TPTE2: variants seen among roughly 807,000 people sequenced by gnomAD.
TPTE2 encodes the protein phosphatidylinositol 3,4,5-trisphosphate 3-phosphatase TPTE2.
A neutral mutation model predicts 78.6 loss-of-function variants in TPTE2; 53 were observed. That is an observed-to-expected ratio of 0.67 (90% confidence interval 0.54 to 0.85). The LOEUF is 0.85. Among genes scored for constraint, TPTE2 ranks in the 40% least tolerant of loss-of-function variants. TPTE2 has a pLI of 0.00. For missense variants in TPTE2, 461 were observed against 623.0 expected, an observed-to-expected ratio of 0.74 and a Z score of 2.77; for synonymous variants, 175 against 206.2, an observed-to-expected ratio of 0.85 and a Z score of 1.30.
chr13:19,541,321 T>C (rs1871430994), upstream of TPTE2, among the ~76,000 whole-genome samples: 1 of 152,350 alleles, frequency 6.6e-6, no homozygotes, highest in South Asian at 2.1e-4. Context: ...AAGCAGTGAC[T>C]ACCCCCATCA....
rs1046284768 is a variant in TPTE2, at chr13:19,430,778, T to C, written c.1223-231A>G. 2.6e-5 allele frequency among the ~76,000 whole-genome samples: 4 copies of C among 152,144 alleles called. 1 individual carries two copies. Among genetic ancestry groups the C allele is most frequent in the Non-Finnish European group, 2.9e-5 (2 of 68,030 alleles). On this transcript the variant is annotated intron_variant, in intron 16 of 19. Transcript: ENST00000400230. ...ATGAGAGAAGAGAAAAGAATACATA[T>C]AGTTCAGCTTCCAAGACTTAGAATC... is the stretch of plus-strand genomic sequence containing the variant.
chr13:19,560,684 G>A, the TPTE2 span: 2 of 1,513,908 alleles, frequency 1.3e-6, no homozygotes, highest in Non-Finnish European at 9.1e-7. Flanking sequence ...ACCACCATTA[G>A]ATGAGACACC....
chr13:19,522,779 T>C (rs114651840), intron 1 of TPTE2, among the ~76,000 whole-genome samples: 3,858 of 151,682 alleles, frequency 0.025, 130 homozygotes, highest in African/African-American at 0.075. Flanking sequence ...CCCGCCACCA[T>C]GTCAAGCTAA....
At chr13:19,557,804 C>T in the TPTE2 span, among the ~76,000 whole-genome samples, 1 of 151,792 alleles carries the variant, frequency 6.6e-6, no homozygotes, top group Admixed American at 6.6e-5. Flanking sequence ...TGTTTCTCTA[C>T]CTGAGAAATA....
chr13:19,442,929 C>T (rs1420940361), intron 13 of TPTE2, among the ~76,000 whole-genome samples: 1 of 151,996 alleles, frequency 6.6e-6, no homozygotes, highest in Non-Finnish European at 1.5e-5. Context: ...AAACTCTAGG[C>T]CAATGTGCCT....
intron 1 of TPTE2, among the ~76,000 whole-genome samples, chr13:19,508,613 G>A (rs1395492556): frequency 1.3e-5 from 2 of 152,114 alleles, no homozygotes; most frequent in African/African-American, 4.8e-5. Context: ...TGAGAAAATT[G>A]AGGAACTTAC....
chr13:19,426,438 T>C, exon 18 of TPTE2: 1 of 1,604,780 alleles, frequency 6.2e-7, no homozygotes, highest in Non-Finnish European at 8.5e-7. Context: ...AGAGAAAAAC[T>C]GCACTTTCAC....
intron 10 of TPTE2, among the ~76,000 whole-genome samples, chr13:19,460,472 C>T (rs538806262): frequency 2.6e-5 from 4 of 152,304 alleles, no homozygotes; most frequent in South Asian, 2.1e-4. Flanking sequence ...TCTTTGTGAG[C>T]GCGGCAGACT....
At chr13:19,431,033 AGGAGAATTGCTTGAACCCG>A (rs2137472562) in intron 16 of TPTE2, among the ~76,000 whole-genome samples, 1 of 151,968 alleles carries the variant, frequency 6.6e-6, no homozygotes, top group African/African-American at 2.4e-5. Context: ...AGGCTGAGAC[AGGAGAATTGCTTGAACCCG>A]GGAGGCAGAG....
intron 6 of TPTE2, among the ~76,000 whole-genome samples, chr13:19,471,354 T>A (rs1306942117): frequency 6.6e-6 from 1 of 152,222 alleles, no homozygotes; most frequent in Non-Finnish European, 1.5e-5. Context: ...CTTCTCTTCC[T>A]TCTTTCCTTC....
the TPTE2 span, among the ~76,000 whole-genome samples, chr13:19,557,267 G>A: frequency 6.6e-6 from 1 of 152,170 alleles, no homozygotes; most frequent in Admixed American, 6.5e-5. Context: ...ATTTCATGGG[G>A]GAAACCTGAC....
chr13:19,435,651 T>C (rs1437723616), intron 15 of TPTE2, among the ~76,000 whole-genome samples: 3 of 152,136 alleles, frequency 2.0e-5, no homozygotes, highest in African/African-American at 7.2e-5. Flanking sequence ...AAATGAGATA[T>C]GTAAAAGTGC....
chr13:19,481,982 A>G (rs1880383489), intron 4 of TPTE2, among the ~76,000 whole-genome samples: 1 of 152,102 alleles, frequency 6.6e-6, no homozygotes. Flanking sequence ...ACATGATAAA[A>G]TGCCTTCAGG....
chr13:19,547,100 AG>A, the TPTE2 span, among the ~76,000 whole-genome samples: 1 of 151,606 alleles, frequency 6.6e-6, no homozygotes, highest in African/African-American at 2.4e-5. Context: ...AAAAAAAAAA[AG>A]ATCACATACA....
At chr13:19,513,560 C>T (rs1288750994) in intron 1 of TPTE2, among the ~76,000 whole-genome samples, 3 of 152,154 alleles carry the variant, frequency 2.0e-5, no homozygotes, top group Non-Finnish European at 4.4e-5. Flanking sequence ...AACATAAATG[C>T]ATACACGACT....
At chr13:19,529,263 G>A (rs1421219806) in intron 1 of TPTE2, among the ~76,000 whole-genome samples, 2 of 152,064 alleles carry the variant, frequency 1.3e-5, no homozygotes, top group Admixed American at 6.6e-5. Context: ...CATTGTCTGG[G>A]CCCCTGCCCT....
At chr13:19,484,219 C>T (rs1013878785) in intron 3 of TPTE2, among the ~76,000 whole-genome samples, 1 of 152,170 alleles carries the variant, frequency 6.6e-6, no homozygotes, top group African/African-American at 2.4e-5. Context: ...TTTCTTCACT[C>T]ATTGTAACTC....
chr13:19,477,783 TA>T (rs909707504), intron 4 of TPTE2, among the ~76,000 whole-genome samples: 13 of 152,132 alleles, frequency 8.5e-5, no homozygotes, highest in Admixed American at 8.5e-4. Flanking sequence ...CTTTTTTGGT[TA>T]AAAAAAGTGT....
chr13:19,430,569 A>T (rs1411789627), intron 16 of TPTE2, 22 bp from the exon 20 acceptor site: 3 of 1,576,636 alleles, frequency 1.9e-6, no homozygotes, highest in Non-Finnish European at 1.7e-6. Context: ...AAATGAAATT[A>T]AAAAGTTAGG....
Sources: allele counts gnomAD v4.1 joint callset (sites outside exome capture counted in the v4.1 genomes callset), GRCh38; gene constraint gnomAD v4.1.1; transcripts MANE v1.5; gene names NCBI Gene and HGNC (gene_info 2026-07-23, HGNC 2026-07-21).